The following ADAM32 variants were observed in gnomAD, a reference collection of about 807,000 sequenced individuals.
The protein encoded by ADAM32 is ADAM metallopeptidase domain 32.
ADAM32 carries 89 observed loss-of-function variants against 114.9 expected under a neutral mutation model. That is an observed-to-expected ratio of 0.77 (90% CI 0.65 to 0.92). The LOEUF (loss-of-function observed/expected upper bound fraction) is 0.92, where lower values mean the gene tolerates loss of function less well. Among genes scored for constraint, ADAM32 ranks in the 40% least tolerant of loss-of-function variants. The pLI, the probability that ADAM32 is intolerant of heterozygous loss-of-function variation, is 0.00. For missense variants in ADAM32, 870 were observed against 932.8 expected (o/e 0.93, Z 0.88); for synonymous variants, 285 against 307.5 (o/e 0.93, Z 0.77).
At chr8:39,223,361 T>C in intron 14 of ADAM32, 123 bp downstream of exon 14, 1 of 484,930 alleles carries the variant, frequency 2.1e-6, no homozygotes, top group Non-Finnish European at 3.2e-6. Flanking sequence ...ATGTGGAATA[T>C]TGTTTATATA....
intron 3 of ADAM32, 87 bp from the exon 4 acceptor site, chr8:39,147,043 G>T (rs1419151420): frequency 1.4e-5 from 7 of 516,646 alleles, no homozygotes; most frequent in Non-Finnish European, 1.9e-5. Context: ...GGGTGGGTCA[G>T]ATTTTGGCTG....
chr8:39,271,239 T>A (rs1242144385), intron 20 of ADAM32, among the ~76,000 whole-genome samples: 1 of 152,186 alleles, frequency 6.6e-6, no homozygotes, highest in African/African-American at 2.4e-5. Flanking sequence ...ACGTGCTGTA[T>A]AATAATGTTT....
At chr8:39,174,656 C>T (rs1034519323) in intron 10 of ADAM32, among the ~76,000 whole-genome samples, 2 of 113,146 alleles carry the variant, frequency 1.8e-5, no homozygotes, top group Non-Finnish European at 3.5e-5. Flanking sequence ...CTATCCCTCC[C>T]CCCTCCCCCG....
At chr8:39,202,711 T>G (rs534799890) in intron 11 of ADAM32, among the ~76,000 whole-genome samples, 18 of 152,308 alleles carry the variant, frequency 1.2e-4, no homozygotes, top group Non-Finnish European at 2.4e-4. Context: ...CTAGTTCTTT[T>G]AATTGTGATG....
intron 17 of ADAM32, among the ~76,000 whole-genome samples, chr8:39,248,520 G>T (rs1361950989): frequency 6.6e-6 from 1 of 152,024 alleles, no homozygotes; most frequent in Non-Finnish European, 1.5e-5. Context: ...AAAATTATTG[G>T]CTTTTGTGCA....
At chr8:39,167,430 G>C (rs74210465) in intron 9 of ADAM32, 1 of 151,992 alleles carries the variant, frequency 6.6e-6, no homozygotes, top group Non-Finnish European at 1.5e-5. Flanking sequence ...GTATCATGCT[G>C]TTTTGGTGAC....
intron 2 of ADAM32, among the ~76,000 whole-genome samples, chr8:39,124,762 G>A (rs546925816): frequency 7.8e-4 from 119 of 152,176 alleles, no homozygotes; most frequent in African/African-American, 2.9e-3. Flanking sequence ...GGGCATTTGG[G>A]TTGCTTCCAT....
rs183321114 is a variant in ADAM32 at position 39,256,758 on chromosome 8, C to T, written c.2006-429C>T. 5.9e-5 allele frequency among the ~76,000 whole-genome samples: 9 copies of T among 152,128 alleles called. No homozygotes were observed. In the East Asian group the frequency reaches 1.7e-3, roughly 29 times the overall value. ...AGTAGTATTGCAATGACCCCATTTA[C>T]AACATGATCCCCAAGGCCAAAAGCC... On this transcript the variant is annotated intron_variant, in intron 18 of 24. Transcript: ENST00000379907.
chr8:39,205,731 A>G (rs1321080865), intron 11 of ADAM32, among the ~76,000 whole-genome samples: 3 of 152,238 alleles, frequency 2.0e-5, no homozygotes, highest in East Asian at 3.8e-4. Context: ...TGAGCTGTAG[A>G]CTGGAGCTGT....
chr8:39,211,392 C>A, intron 12 of ADAM32, 68 bp downstream of exon 12: 1 of 1,351,976 alleles, frequency 7.4e-7, no homozygotes, highest in South Asian at 1.9e-5. Context: ...TCATAAATGT[C>A]ATATATCTCA....
At chr8:39,186,439 T>C (rs1217814772) in intron 10 of ADAM32, among the ~76,000 whole-genome samples, 10 of 152,192 alleles carry the variant, frequency 6.6e-5, no homozygotes, top group Non-Finnish European at 1.5e-4. Flanking sequence ...TACCAGTCAC[T>C]GTGTCAATGA....
At chr8:39,147,591 A>G (rs1803579166) in intron 4 of ADAM32, among the ~76,000 whole-genome samples, 1 of 151,908 alleles carries the variant, frequency 6.6e-6, no homozygotes, top group South Asian at 2.1e-4. Flanking sequence ...ACATCCATAA[A>G]TCCTACTGAC....
chr8:39,254,315 C>T, intron 17 of ADAM32, 99 bp from the exon 18 acceptor site: 1 of 897,524 alleles, frequency 1.1e-6, no homozygotes. Context: ...TCTAAATAAA[C>T]AAAATTACAC....
chr8:39,140,049 A>C (rs371208035), intron 3 of ADAM32, among the ~76,000 whole-genome samples: 1 of 152,090 alleles, frequency 6.6e-6, no homozygotes, highest in Admixed American at 6.6e-5. Flanking sequence ...TGCTGAAGTT[A>C]CTTATCAGCT....
At chr8:39,279,300 T>A (rs1813278745) in intron 22 of ADAM32, among the ~76,000 whole-genome samples, 1 of 152,078 alleles carries the variant, frequency 6.6e-6, no homozygotes, top group African/African-American at 2.4e-5. Flanking sequence ...CTTTTATTTA[T>A]TTTTTTTAAG....
At chr8:39,281,696 T>C (rs1205911142) in intron 23 of ADAM32, among the ~76,000 whole-genome samples, 10 of 152,216 alleles carry the variant, frequency 6.6e-5, no homozygotes, top group Non-Finnish European at 1.5e-4. Context: ...TGAACTCGTT[T>C]AGAGAAGCTT....
intron 10 of ADAM32, among the ~76,000 whole-genome samples, chr8:39,175,681 G>C (rs991731031): frequency 6.6e-6 from 1 of 152,100 alleles, no homozygotes; most frequent in South Asian, 2.1e-4. Flanking sequence ...TCAGGATGAC[G>C]CTGGGTTCAT....
At position 39,223,047 on chromosome 8, in the gene ADAM32, A is replaced by G; in HGVS notation, c.1334A>G (p.Gln445Arg). Residue 445 changes from glutamine to arginine, a missense_variant, in exon 14 of 25, where the codon CAA (glutamine) becomes CGA (arginine). Coordinates refer to ENST00000379907, the MANE Select transcript of ADAM32 (RefSeq NM_145004.7). ...TGTTCTAACTTCTCTTAGATTTTACAATCAGGCGTTGAATGTAGGCCGAAA... is the reference window on the plus strand; with the variant it reads ...TGTTCTAACTTCTCTTAGATTTTACGATCAGGCGTTGAATGTAGGCCGAAA... ...GLCCKDCQIL[Q>R]SGVECRPKAH... is the part of the protein sequence containing the mutation. 6.4e-7 allele frequency: 1 copy of G among 1,572,014 alleles called. No homozygotes were observed. The highest frequency in any genetic ancestry group is 1.9e-5 in the Admixed American group (1 of 52,440).
chr8:39,125,827 T>G (rs1300636461), intron 2 of ADAM32, among the ~76,000 whole-genome samples: 1 of 152,232 alleles, frequency 6.6e-6, no homozygotes, highest in African/African-American at 2.4e-5. Context: ...CCATCTTGAA[T>G]TACTTTTTGT....
Sources: gnomAD v4.1 joint callset for allele counts (sites outside exome capture counted in the v4.1 genomes callset) on GRCh38, gnomAD v4.1.1 for gene constraint, MANE v1.5 for transcripts, NCBI Gene and HGNC (gene_info 2026-07-23, HGNC 2026-07-21) for gene names.